The following ZNF597 variants were observed in gnomAD, a reference collection of about 807,000 sequenced individuals.
ZNF597 encodes the protein zinc finger protein 597.
A neutral mutation model predicts 7.3 loss-of-function variants in ZNF597; 5 were observed. The ratio of observed to expected loss-of-function variants is 0.68; its 90% CI spans 0.36 to 1.44. The LOEUF is 1.44. Ranked by LOEUF, ZNF597 falls within the 40% of genes most tolerant of loss-of-function variation. The pLI is 0.04. For synonymous variants in ZNF597, 209 were observed against 185.4 expected (o/e 1.13, Z -1.04); for missense variants, 585 against 517.9 (o/e 1.13, Z -1.26).
Position 3,436,366 on chromosome 16 carries a change from T to A in ZNF597, c.*58A>T. ...TGCCTGGGACATATACAGTAACTGC[T>A]TCCCACCATACAGATACTGAAAAGC... On this transcript the variant is annotated 3_prime_UTR_variant, in exon 4 of 4. Coordinates refer to ENST00000301744, the MANE Select transcript of ZNF597 (RefSeq NM_152457.3). 2 of 1,524,554 alleles carry A rather than the reference T, an allele frequency of 1.3e-6. No homozygotes were observed. The highest frequency in any genetic ancestry group is 1.8e-6 in the Non-Finnish European group (2 of 1,122,234). 94.4% of individuals were successfully genotyped at this position (1,524,554 alleles called of 1,614,324 possible).
chr16:3,433,118 T>A lies in ZNF597; in HGVS notation c.*3306A>T, dbSNP rs1202960193. Reference sequence around the variant, plus strand: ...TGTGAAATGTCATTTGAGTTTTAACTCCCTGAATTATTGGGTTAGTCATTT... The same window carrying A: ...TGTGAAATGTCATTTGAGTTTTAACACCCTGAATTATTGGGTTAGTCATTT... On this transcript the variant is annotated 3_prime_UTR_variant, in exon 4 of 4. Transcript: ENST00000301744. 1 of 152,182 alleles carries A rather than the reference T, an allele frequency of 6.6e-6. No individual in the cohort carries two copies. Among genetic ancestry groups the A allele is most frequent in the Non-Finnish European group, 1.5e-5 (1 of 68,032 alleles). The allele number at this position is 152,182 out of a possible 1,614,324, so 9.4% of individuals were successfully genotyped here. A position where few individuals can be genotyped will look rare whatever the true frequency, so the allele number is the denominator to read the frequency against.
rs1400445915 is a variant in ZNF597 at position 3,436,546 on chromosome 16, C to G, written c.1153G>C (p.Ala385Pro). 6.2e-7 allele frequency: 1 copy of G among 1,613,830 alleles called. No homozygotes were observed. The highest frequency in any genetic ancestry group is 1.3e-5 in the African/African-American group (1 of 74,932). The change falls in exon 4 of 4, where the codon GCA (alanine) becomes CCA (proline). Residue 385 changes from alanine (A) to proline (P), a missense_variant. Transcript: ENST00000301744. ...AGCATGTGGCTCTTCTGGTGGCATG[C>G]AAGTTCTGAGTCCAAAGCAAAACTT... ...EESFALDSELACHQKSHMLAE... is the reference protein window; with the variant it reads ...EESFALDSELPCHQKSHMLAE...
At chr16:3,441,100 G>A (rs778119523) in intron 2 of ZNF597, among the ~76,000 whole-genome samples, 167 bp from the exon 3 acceptor site, 3 of 152,230 alleles carry the variant, frequency 2.0e-5, no homozygotes, top group African/African-American at 4.8e-5. Context: ...GGGGTGGGGT[G>A]AGGGTTGGGA....
In ZNF597 at chr16:3,436,864, C is replaced by T; in HGVS notation, c.835G>A (p.Glu279Lys). Reference sequence around the variant, plus strand: ...TCAGGCAAAGCAAGATTTGGTTTCTCATTAAAATGTTTATCACAGTTAGTA... The same window carrying T: ...TCAGGCAAAGCAAGATTTGGTTTCTTATTAAAATGTTTATCACAGTTAGTA... ...ESTNCDKHFN[E>K]KPNLALPEET... Residue 279 changes from glutamate (E) to lysine (K), a missense_variant, in exon 4 of 4, where the codon GAG (glutamate) becomes AAG (lysine). Physicochemically the swap from Glu to Lys is moderately conservative, Grantham distance 56. Coordinates refer to ENST00000301744, the MANE Select transcript of ZNF597 (RefSeq NM_152457.3). 6.2e-7 allele frequency: 1 copy of T among 1,614,152 alleles called. No individual in the cohort carries two copies. The highest frequency in any genetic ancestry group is 8.5e-7 in the Non-Finnish European group (1 of 1,180,042).
Position 3,434,382 on chromosome 16 carries a change from C to G in ZNF597, c.*2042G>C, listed in dbSNP as rs1359354670. 1 of 152,152 alleles carries G rather than the reference C, an allele frequency of 6.6e-6. No individual in the cohort carries two copies. The highest frequency in any genetic ancestry group is 1.5e-5 in the Non-Finnish European group (1 of 68,038). 9.4% of individuals were successfully genotyped at this position (152,152 alleles called of 1,614,324 possible). ...AAAGGTCATGGTATCTCAGAGTTGC[C>G]TAATAAGTAATCTAACTGGAGACTA... On this transcript the variant is annotated 3_prime_UTR_variant, in exon 4 of 4. Transcript: ENST00000301744.
At chr16:3,443,326 C>T (rs921035488) in intron 1 of ZNF597, 34 bp downstream of exon 1, 1 of 636,050 alleles carries the variant, frequency 1.6e-6, no homozygotes, top group East Asian at 3.1e-5. Context: ...GACTGCTCCT[C>T]CTCTTGGCCC....
rs1043086090 is a variant in ZNF597 at position 3,443,338 on chromosome 16, G to A, written c.-54+22C>T. 27 of 609,676 alleles carry A rather than the reference G, an allele frequency of 4.4e-5. No individual in the cohort carries two copies. In the African/African-American group the frequency reaches 5.2e-4, roughly 12 times the overall value. The allele number at this position is 609,676 out of a possible 1,614,324, so 37.8% of individuals were successfully genotyped here. ...GCCGACTGCTCCTCCTCTTGGCCCG[G>A]CCTCGAAAGGGGCCCACTTACCGCT... On this transcript the variant is annotated intron_variant, in intron 1 of 3. Coordinates refer to ENST00000301744, the MANE Select transcript of ZNF597 (RefSeq NM_152457.3).
intron 3 of ZNF597, 82 bp from the exon 4 acceptor site, chr16:3,437,620 A>G: frequency 6.8e-7 from 1 of 1,478,128 alleles, no homozygotes; most frequent in Admixed American, 2.6e-5. Context: ...AGGTAGTTAC[A>G]AACAGGACCA....
At chr16:3,440,288 G>T (rs543387864) in intron 3 of ZNF597, among the ~76,000 whole-genome samples, 19 of 152,316 alleles carry the variant, frequency 1.2e-4, no homozygotes, top group African/African-American at 4.6e-4. Flanking sequence ...ACCAAATACT[G>T]CCATCTCTTG....
rs369212733 is a variant in ZNF597 at position 3,437,470 on chromosome 16, A to G, written c.229T>C (p.Leu77=). The change falls in exon 4 of 4, where the codon TTA becomes CTA. Residue 77 remains leucine (L), a synonymous_variant. Coordinates refer to ENST00000301744, the MANE Select transcript of ZNF597 (RefSeq NM_152457.3). ...GGTGCAGCAATGGGGTACTTTTCTA[A>G]GGCAAGCTCGTCAAGTTCCATAGAC... ...LESMELDELA[L]EKYPIAAPLV... 51 of 1,614,020 alleles carry G rather than the reference A, an allele frequency of 3.2e-5. No homozygotes were observed. Among genetic ancestry groups the G allele is most frequent in the Non-Finnish European group, 3.7e-5 (44 of 1,180,034 alleles).
In ZNF597 at chr16:3,437,410, C is replaced by G; in HGVS notation, c.289G>C (p.Gly97Arg). 1 of 1,614,128 alleles carries G rather than the reference C, an allele frequency of 6.2e-7. No homozygotes were observed. Among genetic ancestry groups the G allele is most frequent in the Non-Finnish European group, 8.5e-7 (1 of 1,180,024 alleles). The change falls in exon 4 of 4, where the codon GGA becomes CGA. Residue 97 changes from glycine to arginine, a missense_variant. Transcript: ENST00000301744. ...ATTTTCGCTTCAGGGTTTCCAACTC[C>G]ATCCTCAGAGGATTTTTCTGGGTAA... The part of the protein sequence containing the change: ...VPYPEKSSED[G>R]VGNPEAKILS...
At position 3,443,171 on chromosome 16, in the gene ZNF597, C is replaced by G; in HGVS notation, c.-18G>C. 6.2e-7 allele frequency: 1 copy of G among 1,610,888 alleles called. No individual in the cohort carries two copies. Reference sequence around the variant, plus strand: ...GACGCCATTTGGCGGGTGGGGAATGCCTTCTTCAAGACGCCACAGGGACTT... The same window carrying G: ...GACGCCATTTGGCGGGTGGGGAATGGCTTCTTCAAGACGCCACAGGGACTT... On this transcript the variant is annotated 5_prime_UTR_variant, in exon 2 of 4. Coordinates refer to ENST00000301744, the MANE Select transcript of ZNF597 (RefSeq NM_152457.3).
chr16:3,436,756 C>A lies in ZNF597; in HGVS notation c.943G>T (p.Glu315Ter). 6.2e-7 allele frequency: 1 copy of A among 1,613,748 alleles called. No homozygotes were observed. The highest frequency in any genetic ancestry group is 8.5e-7 in the Non-Finnish European group (1 of 1,180,024). ...FRQSLYPALS[E>*]KSHDEDSERC... ...TCAGAGTCCTCGTCGTGGCTCTTCT[C>A]GGAAAGGGCAGGATATAAGGACTGC... Residue 315 changes from glutamate (E) to a stop codon, truncating the protein, a stop_gained, in exon 4 of 4, where the codon GAG becomes TAG. Transcript: ENST00000301744. LOFTEE classifies it low-confidence loss of function (END_TRUNC).
At chr16:3,438,740 T>G (rs929962242) in intron 3 of ZNF597, among the ~76,000 whole-genome samples, 1 of 152,220 alleles carries the variant, frequency 6.6e-6, no homozygotes, top group Admixed American at 6.5e-5. Flanking sequence ...GAAGGCTGTG[T>G]GTACTGCATG....
intron 3 of ZNF597, 109 bp downstream of exon 3, chr16:3,440,698 A>C (rs1236943677): frequency 5.7e-6 from 8 of 1,397,952 alleles, no homozygotes; most frequent in Non-Finnish European, 7.8e-6. Context: ...CTCCACATAA[A>C]TTACTGAGGG....
Position 3,436,475 on chromosome 16 carries a change from C to T in ZNF597, c.1224G>A (p.Ser408=), listed in dbSNP as rs746018306. The change falls in exon 4 of 4, where the codon TCG becomes TCA. Residue 408 remains serine, a synonymous_variant. Transcript: ENST00000301744. ...GCTTATGAGTAATGAGATGCAAATTCGACTTGAAAGTTTTCCCACACACGG... is the reference window on the plus strand; with the variant it reads ...GCTTATGAGTAATGAGATGCAAATTTGACTTGAAAGTTTTCCCACACACGG... ...KCTVCGKTFK[S]NLHLITHKRT... 18 of 1,613,992 alleles carry T rather than the reference C, an allele frequency of 1.1e-5. No homozygotes were observed. The highest frequency in any genetic ancestry group is 9.9e-5 in the South Asian group (9 of 91,062).
chr16:3,438,541 C>A (rs994074743), intron 3 of ZNF597, among the ~76,000 whole-genome samples: 1 of 149,872 alleles, frequency 6.7e-6, no homozygotes, highest in East Asian at 2.0e-4. Flanking sequence ...CCAGCCTGGG[C>A]GACAGAGCAA....
At chr16:3,440,404 G>T (rs922887856) in intron 3 of ZNF597, among the ~76,000 whole-genome samples, 5 of 152,196 alleles carry the variant, frequency 3.3e-5, no homozygotes, top group African/African-American at 1.2e-4. Flanking sequence ...GGGAGGCCGA[G>T]GCGGGTGATC....
At chr16:3,439,347 C>A (rs1305932514) in intron 3 of ZNF597, among the ~76,000 whole-genome samples, 2 of 152,020 alleles carry the variant, frequency 1.3e-5, no homozygotes, top group African/African-American at 2.4e-5. Flanking sequence ...TGTGCCACTG[C>A]ACTCCAGCCT....
Sources: allele counts gnomAD v4.1 joint callset (sites outside exome capture counted in the v4.1 genomes callset), GRCh38; gene constraint gnomAD v4.1.1; transcripts MANE v1.5; gene names NCBI Gene and HGNC (gene_info 2026-07-23, HGNC 2026-07-21).